KCNC2: variants seen among roughly 807,000 people sequenced by gnomAD.
KCNC2 encodes the protein potassium voltage-gated channel subfamily C member 2.
KCNC2 carries 21 observed loss-of-function variants against 44.5 expected under a neutral mutation model. The ratio of observed to expected loss-of-function variants is 0.47; its 90% CI spans 0.33 to 0.68. The LOEUF (loss-of-function observed/expected upper bound fraction) is 0.68. Among genes scored for constraint, KCNC2 ranks in the 30% least tolerant of loss-of-function variants. KCNC2 has a pLI of 0.01. For missense variants in KCNC2, 589 were observed against 826.2 expected (o/e 0.71, Z 3.52); for synonymous variants, 391 against 339.1 (o/e 1.15, Z -1.68).
At chr12:75,140,206 C>A (rs910893786) in intron 2 of KCNC2, 1 of 152,108 alleles carries the variant, frequency 6.6e-6, no homozygotes, top group East Asian at 1.9e-4. Flanking sequence ...CTCCAGCCTA[C>A]GTCAAGAGAG....
intron 2 of KCNC2, among the ~76,000 whole-genome samples, chr12:75,132,222 T>G (rs2137348762): frequency 6.6e-6 from 1 of 152,236 alleles, no homozygotes; most frequent in African/African-American, 2.4e-5. Flanking sequence ...GCTTGGTATA[T>G]GATATTTATA....
chr12:75,054,613 A>C (rs1236347815), intron 2 of KCNC2, among the ~76,000 whole-genome samples: 1 of 152,164 alleles, frequency 6.6e-6, no homozygotes, highest in East Asian at 1.9e-4. Flanking sequence ...CAAGGAATGA[A>C]GGTATTGGGC....
intron 2 of KCNC2, among the ~76,000 whole-genome samples, chr12:75,053,045 C>T (rs983589704): frequency 2.6e-5 from 4 of 152,118 alleles, no homozygotes; most frequent in African/African-American, 7.2e-5. Context: ...AAATGTACTA[C>T]TATTTTTTAA....
chr12:75,138,278 A>G (rs1352782587), intron 2 of KCNC2, among the ~76,000 whole-genome samples: 1 of 152,202 alleles, frequency 6.6e-6, no homozygotes, highest in Non-Finnish European at 1.5e-5. Flanking sequence ...AAAAAGCTCT[A>G]CCACTGATTG....
chr12:75,168,384 G>A (rs1001898572), intron 2 of KCNC2, among the ~76,000 whole-genome samples: 3 of 151,404 alleles, frequency 2.0e-5, no homozygotes. Flanking sequence ...ACAGGGAACT[G>A]AGTCAGAGAA....
intron 2 of KCNC2, among the ~76,000 whole-genome samples, chr12:75,176,362 G>A (rs118113504): frequency 0.011 from 1,689 of 152,112 alleles, 19 homozygotes; most frequent in Admixed American, 0.026. Context: ...TCTTAAAACA[G>A]AAGCCAGATC....
chr12:75,119,768 A>T (rs577495826), intron 2 of KCNC2, among the ~76,000 whole-genome samples: 2 of 152,336 alleles, frequency 1.3e-5, no homozygotes, highest in Admixed American at 1.3e-4. Context: ...TAAAATGGTA[A>T]TAACAACCTC....
chr12:75,052,670 C>T (rs1286286388), intron 2 of KCNC2, among the ~76,000 whole-genome samples: 2 of 152,086 alleles, frequency 1.3e-5, no homozygotes, highest in African/African-American at 4.8e-5. Flanking sequence ...ATCTAGTCCT[C>T]AAGCATGCCA....
At chr12:75,074,895 G>A (rs1285807095) in intron 2 of KCNC2, among the ~76,000 whole-genome samples, 1 of 152,114 alleles carries the variant, frequency 6.6e-6, no homozygotes, top group Non-Finnish European at 1.5e-5. Flanking sequence ...CACAGAAAGA[G>A]GCTTATCTAA....
At chr12:75,091,341 C>G (rs957377770) in intron 2 of KCNC2, among the ~76,000 whole-genome samples, 2 of 151,652 alleles carry the variant, frequency 1.3e-5, no homozygotes, top group Non-Finnish European at 3.0e-5. Flanking sequence ...ATTGAAGTAG[C>G]TGCCTTTTGG....
intron 2 of KCNC2, among the ~76,000 whole-genome samples, chr12:75,084,620 T>A (rs971510103): frequency 1.1e-4 from 17 of 152,086 alleles, no homozygotes; most frequent in African/African-American, 4.1e-4. Context: ...CCCAAACATG[T>A]GGAACTTTAA....
At chr12:75,165,421 A>C (rs1891381607) in intron 2 of KCNC2, among the ~76,000 whole-genome samples, 1 of 151,526 alleles carries the variant, frequency 6.6e-6, no homozygotes, top group Admixed American at 6.6e-5. Context: ...TACATGTAAT[A>C]GGCAATTAAT....
At chr12:75,084,339 A>G (rs1039985425) in intron 2 of KCNC2, among the ~76,000 whole-genome samples, 3 of 134,638 alleles carry the variant, frequency 2.2e-5, no homozygotes, top group Non-Finnish European at 4.8e-5. Context: ...TAGATATACT[A>G]TTATGTGTCC....
intron 2 of KCNC2, among the ~76,000 whole-genome samples, chr12:75,090,627 G>C (rs1417445332): frequency 6.6e-6 from 1 of 151,680 alleles, no homozygotes; most frequent in Non-Finnish European, 1.5e-5. Flanking sequence ...CCAATTGTTA[G>C]AAGCCTTTTC....
intron 2 of KCNC2, among the ~76,000 whole-genome samples, chr12:75,068,413 C>T (rs977094964): frequency 6.6e-6 from 1 of 152,144 alleles, no homozygotes; most frequent in Non-Finnish European, 1.5e-5. Flanking sequence ...GTGGCAGCAG[C>T]CATCAGGATG....
In KCNC2 at chr12:75,207,119, T is replaced by C. The variant is rs760182495; in HGVS notation, c.687+178A>G. On this transcript the variant is annotated intron_variant, in intron 2 of 4. Coordinates refer to ENST00000549446, the MANE Select transcript of KCNC2 (RefSeq NM_139137.4). The surrounding 1 kb of genome is among the most constrained non-coding windows in gnomAD (Gnocchi z 4.1). Reference sequence around the variant, plus strand: ...GGAGAAAGATGGGACTGGGTAGGGATGGTGGCCGGGGTCCCTGGGTTTACC... The same window carrying C: ...GGAGAAAGATGGGACTGGGTAGGGACGGTGGCCGGGGTCCCTGGGTTTACC... Among the ~76,000 whole-genome samples the C allele has an allele frequency of 6.6e-6, 1 of 152,148 alleles. No individual in the cohort carries two copies. Among genetic ancestry groups the C allele is most frequent in the African/African-American group, 2.4e-5 (1 of 41,440 alleles).
At chr12:75,173,450 T>G (rs1281303149) in intron 2 of KCNC2, among the ~76,000 whole-genome samples, 2 of 151,802 alleles carry the variant, frequency 1.3e-5, no homozygotes, top group African/African-American at 4.8e-5. Context: ...AAACTACACT[T>G]TCCACTACTC....
At chr12:75,157,142 A>C (rs1592990230) in intron 2 of KCNC2, among the ~76,000 whole-genome samples, 2 of 152,042 alleles carry the variant, frequency 1.3e-5, no homozygotes, top group African/African-American at 4.8e-5. Flanking sequence ...GACAGCAAAC[A>C]AAGCAAAACT....
chr12:75,134,662 T>C (rs1200125683), intron 2 of KCNC2, among the ~76,000 whole-genome samples: 2 of 151,850 alleles, frequency 1.3e-5, no homozygotes, highest in African/African-American at 4.8e-5. Context: ...TCTGCAAGCC[T>C]CTAAGATAAA....
Sources: gnomAD v4.1 joint callset for allele counts (sites outside exome capture counted in the v4.1 genomes callset) on GRCh38, gnomAD v4.1.1 for gene constraint, Gnocchi (gnomAD v3.1) non-coding constraint, MANE v1.5 for transcripts, NCBI Gene and HGNC (gene_info 2026-07-23, HGNC 2026-07-21) for gene names.